ZC3H13: variants seen among roughly 807,000 people sequenced by gnomAD.
ZC3H13 encodes zinc finger CCCH-type containing 13, also known as zinc finger CCCH domain-containing protein 13.
ZC3H13 carries 64 observed loss-of-function variants against 204.1 expected under a neutral mutation model. The ratio of observed to expected loss-of-function variants is 0.31; its 90% CI spans 0.26 to 0.39. The LOEUF (loss-of-function observed/expected upper bound fraction) is 0.39. Among genes scored for constraint, ZC3H13 ranks in the 10% least tolerant of loss-of-function variants. The probability of loss-of-function intolerance (pLI) is 1.00; values close to 1 mark genes in which losing one functional copy is unlikely to be tolerated. For synonymous variants in ZC3H13, 667 were observed against 693.7 expected (o/e 0.96, Z 0.60); for missense variants, 1,833 against 2,082.7 (o/e 0.88, Z 2.33).
intron 7 of ZC3H13, among the ~76,000 whole-genome samples, chr13:46,006,304 C>T (rs1234878299): frequency 1.3e-5 from 2 of 151,806 alleles, no homozygotes; most frequent in African/African-American, 4.8e-5. Context: ...AACTCTGATC[C>T]CCAAATGCTC....
chr13:46,047,745 CAT>C (rs1339258958), intron 1 of ZC3H13, among the ~76,000 whole-genome samples: 3 of 152,108 alleles, frequency 2.0e-5, no homozygotes, highest in African/African-American at 4.8e-5. Flanking sequence ...TTGAGAAAAA[CAT>C]AAAGTTTCAT....
At position 45,979,822 on chromosome 13, in the gene ZC3H13, T is replaced by G; in HGVS notation, c.1903A>C (p.Arg635=). 1 of 1,578,282 alleles carries G rather than the reference T, an allele frequency of 6.3e-7. No individual in the cohort carries two copies. Among genetic ancestry groups the G allele is most frequent in the Non-Finnish European group, 8.6e-7 (1 of 1,166,668 alleles). Residue 635 remains arginine (R), a synonymous_variant, in exon 11 of 19, where the codon AGA becomes CGA. Coordinates refer to ENST00000679008, the MANE Select transcript of ZC3H13 (RefSeq NM_001330564.2). ...RHGERDRRDN[R]ERDQRPSSPI... ...ATTCTGTTTGACAAACCTCTCTCTC[T>G]GTTGTCACGACGGTCTCGCTCTCCA...
At position 46,011,457 on chromosome 13, in the gene ZC3H13, T is replaced by G. The variant is rs1445907252; in HGVS notation, c.546A>C (p.Gln182His). The G allele has an allele frequency of 6.2e-7, 1 of 1,606,886 alleles. No individual in the cohort carries two copies. Among genetic ancestry groups the G allele is most frequent in the Non-Finnish European group, 8.5e-7 (1 of 1,177,324 alleles). Residue 182 changes from glutamine to histidine, a missense_variant, in exon 6 of 19, where the codon CAA (glutamine) becomes CAC (histidine). This residue lies in a region of ZC3H13 where 1,574 missense variants were observed against 1,757.2 expected (regional missense o/e 0.90). Transcript: ENST00000679008. ...KIQRELMKLE[Q>H]ENMEKREEII... ...TTTCTTCTCTCTTCTCCATGTTTTC[T>G]TGTTCCAGCTTCATTAATTCCCTCT...
intron 18 of ZC3H13, 118 bp from the exon 19 acceptor site, chr13:45,957,415 TA>T: frequency 1.0e-6 from 1 of 988,556 alleles, no homozygotes; most frequent in Non-Finnish European, 1.3e-6. Context: ...TTTTGGATAT[TA>T]AATTAGCTTT....
At chr13:46,038,621 G>C (rs1050513901) in intron 4 of ZC3H13, among the ~76,000 whole-genome samples, 2 of 152,160 alleles carry the variant, frequency 1.3e-5, no homozygotes, top group African/African-American at 4.8e-5. Flanking sequence ...ACCTAACATA[G>C]GCCTGATCTT....
chr13:46,027,787 AC>A (rs2042632078), intron 4 of ZC3H13, among the ~76,000 whole-genome samples: 1 of 152,206 alleles, frequency 6.6e-6, no homozygotes, highest in African/African-American at 2.4e-5. Context: ...TAGGGTAACC[AC>A]CAAAAAAAGT....
intron 8 of ZC3H13, among the ~76,000 whole-genome samples, chr13:45,994,361 C>A (rs1283114378): frequency 6.6e-6 from 1 of 152,168 alleles, no homozygotes; most frequent in Non-Finnish European, 1.5e-5. Flanking sequence ...GGGGTTGACC[C>A]CCTACCCCTT....
Position 45,959,655 on chromosome 13 carries a change from A to G in ZC3H13, c.4676-9T>C. On this transcript the variant is annotated splice_polypyrimidine_tract_variant and intron_variant, in intron 17 of 18. Coordinates refer to ENST00000679008, the MANE Select transcript of ZC3H13 (RefSeq NM_001330564.2). Reference sequence around the variant, plus strand: ...AAAGAGATTGTCTGCATCTTTCAAAAAAAAGTAAACATGCATTAAGTTTTA... The same window carrying G: ...AAAGAGATTGTCTGCATCTTTCAAAGAAAAGTAAACATGCATTAAGTTTTA... The G allele has an allele frequency of 2.0e-6, 3 of 1,512,042 alleles. No homozygotes were observed. Among genetic ancestry groups the G allele is most frequent in the South Asian group, 1.3e-5 (1 of 77,366 alleles). 93.7% of individuals were successfully genotyped at this position (1,512,042 alleles called of 1,614,324 possible).
intron 1 of ZC3H13, among the ~76,000 whole-genome samples, chr13:46,047,252 GT>G (rs1423403459): frequency 1.3e-5 from 2 of 151,964 alleles, no homozygotes; most frequent in African/African-American, 4.8e-5. Flanking sequence ...ATAATATATG[GT>G]GATTTTAAAT....
chr13:45,972,887 A>C (rs9534265), intron 12 of ZC3H13, among the ~76,000 whole-genome samples: 66,530 of 152,154 alleles, frequency 0.44, 15,003 homozygotes, highest in East Asian at 0.54. Flanking sequence ...TGCAAAGCAG[A>C]GTTTAGACTA....
At chr13:46,007,916 G>A (rs994219146) in intron 7 of ZC3H13, among the ~76,000 whole-genome samples, 2 of 152,048 alleles carry the variant, frequency 1.3e-5, no homozygotes, top group Non-Finnish European at 2.9e-5. Flanking sequence ...TAAAAACTAA[G>A]ATTAAAAGTG....
intron 8 of ZC3H13, among the ~76,000 whole-genome samples, chr13:45,994,923 G>A (rs892008003): frequency 1.3e-5 from 2 of 151,882 alleles, no homozygotes; most frequent in Non-Finnish European, 2.9e-5. Context: ...TGCCAAGCAA[G>A]GGAGATTTTT....
At chr13:45,977,057 G>A (rs1953110448) in intron 11 of ZC3H13, among the ~76,000 whole-genome samples, 1 of 152,122 alleles carries the variant, frequency 6.6e-6, no homozygotes, top group African/African-American at 2.4e-5. Flanking sequence ...ATCCTACACA[G>A]TTGCTTCTCC....
intron 17 of ZC3H13, among the ~76,000 whole-genome samples, chr13:45,960,873 T>C (rs1219687882): frequency 6.6e-6 from 1 of 152,224 alleles, no homozygotes; most frequent in Non-Finnish European, 1.5e-5. Flanking sequence ...CCGATTTCAA[T>C]TTTCTGGGCT....
Position 45,990,491 on chromosome 13 carries a change from C to T in ZC3H13, c.945-1394G>A, listed in dbSNP as rs181129473. 1.9e-3 allele frequency among the ~76,000 whole-genome samples: 296 copies of T among 152,296 alleles called. 1 individual carries two copies. The highest frequency in any genetic ancestry group is 3.2e-3 in the Non-Finnish European group (216 of 68,010). Reference sequence around the variant, plus strand: ...GAAAAGTCAGCTAACTAGAACACTACACTCACTTAAACATCAAGTTTTCTG... The same window carrying T: ...GAAAAGTCAGCTAACTAGAACACTATACTCACTTAAACATCAAGTTTTCTG... On this transcript the variant is annotated intron_variant, in intron 8 of 18. Coordinates refer to ENST00000679008, the MANE Select transcript of ZC3H13 (RefSeq NM_001330564.2).
intron 12 of ZC3H13, among the ~76,000 whole-genome samples, chr13:45,974,174 A>G (rs903534610): frequency 4.6e-5 from 7 of 152,218 alleles, no homozygotes; most frequent in East Asian, 1.9e-4. Flanking sequence ...AGTTAACTCT[A>G]GTAAGTTTGG....
chr13:45,974,533 T>C (rs1395454642), intron 12 of ZC3H13, among the ~76,000 whole-genome samples: 1 of 152,182 alleles, frequency 6.6e-6, no homozygotes, highest in Non-Finnish European at 1.5e-5. Flanking sequence ...GGTGGGAGAA[T>C]GCCCTTAGGT....
intron 4 of ZC3H13, among the ~76,000 whole-genome samples, chr13:46,028,634 G>C (rs2042688348): frequency 6.6e-6 from 1 of 151,950 alleles, no homozygotes; most frequent in Admixed American, 6.6e-5. Context: ...AATTAAACTA[G>C]AAATCTGTAA....
rs1253441289 is a variant in ZC3H13 at position 45,956,906 on chromosome 13, C to T, written c.*221G>A. ...AAACTACTAAATCTAGATGTTTTCA[C>T]ATTATTTTGCATGAGTGTCAAATAC... is the stretch of plus-strand genomic sequence containing the variant. On this transcript the variant is annotated 3_prime_UTR_variant, in exon 19 of 19. Transcript: ENST00000679008. The T allele has an allele frequency of 2.9e-6, 1 of 342,540 alleles. No individual in the cohort carries two copies. Among genetic ancestry groups the T allele is most frequent in the Non-Finnish European group, 5.1e-6 (1 of 195,048 alleles). 21.2% of individuals were successfully genotyped at this position (342,540 alleles called of 1,614,324 possible). A position where few individuals can be genotyped will look rare whatever the true frequency, so the allele number is the denominator to read the frequency against.
Sources: gnomAD v4.1 joint callset for allele counts (sites outside exome capture counted in the v4.1 genomes callset) on GRCh38, gnomAD v4.1.1 for gene constraint, gnomAD v4.1.1 regional missense constraint, MANE v1.5 for transcripts, NCBI Gene and HGNC (gene_info 2026-07-23, HGNC 2026-07-21) for gene names.